PCDHA2: variants seen among roughly 807,000 people sequenced by gnomAD.
PCDHA2 encodes protocadherin alpha 2.
A neutral mutation model predicts 66.0 loss-of-function variants in PCDHA2; 58 were observed. The ratio of observed to expected loss-of-function variants is 0.88; its 90% CI spans 0.71 to 1.09. The LOEUF (loss-of-function observed/expected upper bound fraction) is 1.09. Ranked by LOEUF, PCDHA2 falls within the 50% of genes least tolerant of loss-of-function variation. The probability of loss-of-function intolerance (pLI) is 0.00; values close to 1 mark genes in which losing one functional copy is unlikely to be tolerated. For missense variants in PCDHA2, 1,267 were observed against 1,242.3 expected (o/e 1.02, Z -0.30); for synonymous variants, 634 against 554.0 (o/e 1.14, Z -2.03).
chr5:140,803,871 A>AT (rs1472623512), intron 1 of PCDHA2: 5 of 556,930 alleles, frequency 9.0e-6, no homozygotes, highest in African/African-American at 3.8e-5. Flanking sequence ...TAAGACAAAT[A>AT]TTTTTTCTTA....
chr5:140,928,657 G>A (rs781811102), intron 1 of PCDHA2: 11 of 1,614,102 alleles, frequency 6.8e-6, no homozygotes, highest in Non-Finnish European at 9.3e-6. Context: ...AGAGGATGCT[G>A]ACAGTGGTTC....
rs146492633 is a variant in PCDHA2 at position 140,900,696 on chromosome 5, G to A, written c.2389-78253G>A. Among the ~76,000 whole-genome samples the A allele has an allele frequency of 2.2e-4, 33 of 152,256 alleles. No homozygotes were observed. The East Asian group carries it at 5.8e-3, about 27-fold the overall frequency. ...TTATCTCTTCAATATACTGATTTCC[G>A]TTCTTTTGGAAAGAAAGGAAATCCT... is the stretch of plus-strand genomic sequence containing the variant. On this transcript the variant is annotated intron_variant, in intron 1 of 3. Transcript: ENST00000526136.
chr5:141,009,650 C>G lies in PCDHA2; in HGVS notation c.2560C>G (p.Pro854Ala). Residue 854 changes from proline to alanine, a missense_variant, in exon 4 of 4, where the codon CCT becomes GCT. Transcript: ENST00000526136. The part of the protein sequence containing the change: ...TPEPEAGEVS[P>A]PVGAGVNSNS... ...AGAACCAGAGGCAGGAGAAGTGTCCCCTCCAGTCGGTGCGGGTGTCAACAG... is the reference window on the plus strand; with the variant it reads ...AGAACCAGAGGCAGGAGAAGTGTCCGCTCCAGTCGGTGCGGGTGTCAACAG... 1 of 1,613,886 alleles carries G rather than the reference C, an allele frequency of 6.2e-7. No individual in the cohort carries two copies. Among genetic ancestry groups the G allele is most frequent in the Non-Finnish European group, 8.5e-7 (1 of 1,179,918 alleles).
chr5:140,824,167 T>A, intron 1 of PCDHA2: 1 of 1,610,732 alleles, frequency 6.2e-7, no homozygotes, highest in Non-Finnish European at 8.5e-7. Context: ...TCCCTCCCAA[T>A]TTTCAAATAT....
Position 140,853,795 on chromosome 5 carries a change from T to C in PCDHA2, c.2388+56443T>C. On this transcript the variant is annotated intron_variant, in intron 1 of 3. Coordinates refer to ENST00000526136, the MANE Select transcript of PCDHA2 (RefSeq NM_018905.3). ...AATGGGTAGTAAGAGCAAATTTTCA[T>C]TTTAAAGCACACCTGAGATGATTCT... is the stretch of plus-strand genomic sequence containing the variant. 3 of 987,582 alleles carry C rather than the reference T, an allele frequency of 3.0e-6. 1 individual carries two copies. The highest frequency in any genetic ancestry group is 3.7e-6 in the Non-Finnish European group (3 of 819,504). The allele number at this position is 987,582 out of a possible 1,614,324, so 61.2% of individuals were successfully genotyped here.
In PCDHA2 at chr5:140,852,727, G is replaced by T. The variant is rs1395858951; in HGVS notation, c.2388+55375G>T. The T allele has an allele frequency of 2.0e-6, 2 of 983,412 alleles. 1 individual carries two copies. The highest frequency in any genetic ancestry group is 2.5e-6 in the Non-Finnish European group (2 of 816,078). 60.9% of individuals were successfully genotyped at this position (983,412 alleles called of 1,614,324 possible). A position where few individuals can be genotyped will look rare whatever the true frequency, so the allele number is the denominator to read the frequency against. On this transcript the variant is annotated intron_variant, in intron 1 of 3. Transcript: ENST00000526136. ...ATCTTTGTCTTTGCACGTTTTTCAA[G>T]TTTCATGTGCCATTTAAACTTGGAC...
chr5:140,998,629 A>G (rs989469969), intron 3 of PCDHA2, among the ~76,000 whole-genome samples: 3 of 152,064 alleles, frequency 2.0e-5, no homozygotes, highest in African/African-American at 7.2e-5. Context: ...CAATGGCACA[A>G]TCTCAGCTCA....
intron 1 of PCDHA2, among the ~76,000 whole-genome samples, chr5:140,898,157 G>T (rs1455235992): frequency 2.6e-5 from 4 of 152,162 alleles, no homozygotes; most frequent in African/African-American, 7.2e-5. Flanking sequence ...CACGCTGATG[G>T]TGGTTTCTTT....
chr5:140,797,085 A>T lies in PCDHA2; in HGVS notation c.2121A>T (p.Val707=). 1 of 1,613,922 alleles carries T rather than the reference A, an allele frequency of 6.2e-7. No individual in the cohort carries two copies. Among genetic ancestry groups the T allele is most frequent in the Non-Finnish European group, 8.5e-7 (1 of 1,179,966 alleles). ...ACCTGATCATCGCCATCTGCGCGGT[A>T]TCCAGCCTGTTGGTGCTCACGGTGC... is the stretch of plus-strand genomic sequence containing the variant. The part of the protein sequence containing the change: ...NVYLIIAICA[V]SSLLVLTVLL... Residue 707 remains valine, a synonymous_variant, in exon 1 of 4, where the codon GTA becomes GTT. Transcript: ENST00000526136.
At chr5:140,807,421 T>C (rs1554124005) in intron 1 of PCDHA2, 1 of 1,592,400 alleles carries the variant, frequency 6.3e-7, no homozygotes, top group Non-Finnish European at 8.5e-7. Context: ...TGGAGGTAAA[T>C]CTGCAGAATG....
chr5:140,926,106 G>A (rs952874240), intron 1 of PCDHA2, among the ~76,000 whole-genome samples: 9 of 152,176 alleles, frequency 5.9e-5, no homozygotes, highest in African/African-American at 2.2e-4. Flanking sequence ...GGATACAAGA[G>A]GGTGCAGGAC....
chr5:140,809,186 G>T, intron 1 of PCDHA2: 1 of 1,614,038 alleles, frequency 6.2e-7, no homozygotes, highest in Non-Finnish European at 8.5e-7. Context: ...CACTGTGCTG[G>T]TGTCACTTGT....
chr5:140,883,126 G>A (rs781992873), intron 1 of PCDHA2: 2 of 1,614,036 alleles, frequency 1.2e-6, no homozygotes, highest in South Asian at 1.1e-5. Context: ...GGCCTGTATG[G>A]CCTGCAGTGG....
At chr5:140,985,373 C>T (rs1228293287) in intron 3 of PCDHA2, among the ~76,000 whole-genome samples, 1 of 152,106 alleles carries the variant, frequency 6.6e-6, no homozygotes, top group Non-Finnish European at 1.5e-5. Flanking sequence ...TTATCTGGGT[C>T]TATATAATCC....
At chr5:140,999,419 G>A (rs2097856786) in intron 3 of PCDHA2, among the ~76,000 whole-genome samples, 1 of 152,182 alleles carries the variant, frequency 6.6e-6, no homozygotes, top group Non-Finnish European at 1.5e-5. Flanking sequence ...TGGGAGCTAA[G>A]AGGCCAAGTA....
chr5:140,860,977 T>A (rs1314844613), intron 1 of PCDHA2: 1 of 152,212 alleles, frequency 6.6e-6, no homozygotes, highest in African/African-American at 2.4e-5. Flanking sequence ...GACCTCGTGA[T>A]CCACCGGCCT....
rs571904104 is a variant in PCDHA2, at chr5:140,891,379, AT to A, written c.2389-87567del. On this transcript the variant is annotated intron_variant, in intron 1 of 3. Transcript: ENST00000526136. ...ACCTGAGCAGTATACATTGCACCATATTTGCAATCTTTTATCCCTCGCCACC... is the reference window on the plus strand; with the variant it reads ...ACCTGAGCAGTATACATTGCACCATATTGCAATCTTTTATCCCTCGCCACC... Among the ~76,000 whole-genome samples, 7 of 151,980 alleles carry A rather than the reference AT, an allele frequency of 4.6e-5. No individual in the cohort carries two copies. In the South Asian group the frequency reaches 1.5e-3, roughly 32 times the overall value.
At chr5:140,926,731 G>C (rs1282301090) in intron 1 of PCDHA2, 9 of 1,104,780 alleles carry the variant, frequency 8.1e-6, no homozygotes, top group Middle Eastern at 3.2e-4. Flanking sequence ...GCCGGCGTTC[G>C]GGAGGCGCAA....
At position 140,850,257 on chromosome 5, in the gene PCDHA2, G is replaced by A. The variant is rs1371110095; in HGVS notation, c.2388+52905G>A. ...GATGGTGCTGCGGTCGGTGGGCGCC[G>A]GCGTAGTGGTGGGGAAGGTGCGCGC... On this transcript the variant is annotated intron_variant, in intron 1 of 3. Coordinates refer to ENST00000526136, the MANE Select transcript of PCDHA2 (RefSeq NM_018905.3). The A allele has an allele frequency of 6.3e-6, 10 of 1,594,146 alleles. 2 individuals are homozygous for A. Among genetic ancestry groups the A allele is most frequent in the African/African-American group, 1.3e-5 (1 of 74,268 alleles).
Sources: allele counts gnomAD v4.1 joint callset (sites outside exome capture counted in the v4.1 genomes callset), GRCh38; gene constraint gnomAD v4.1.1; transcripts MANE v1.5; gene names NCBI Gene and HGNC (gene_info 2026-07-23, HGNC 2026-07-21).